EGLN2: variants seen among roughly 807,000 people sequenced by gnomAD.
The protein encoded by EGLN2 is prolyl hydroxylase EGLN2.
Under a neutral mutation model 38.2 loss-of-function variants are expected in EGLN2, and 15 were observed. The observed-to-expected ratio is 0.39, with a 90% CI of 0.26 to 0.60. The LOEUF is 0.60. EGLN2 is among the 20% of genes least tolerant of loss of function. The pLI, the probability that EGLN2 is intolerant of heterozygous loss-of-function variation, is 0.50. For synonymous variants in EGLN2, 284 were observed against 237.4 expected (o/e 1.20, Z -1.81); for missense variants, 492 against 570.4 (o/e 0.86, Z 1.40).
chr19:40,803,672 G>C (rs1161827462), intron 2 of EGLN2, among the ~76,000 whole-genome samples: 2 of 152,160 alleles, frequency 1.3e-5, no homozygotes, highest in Non-Finnish European at 2.9e-5. Context: ...CCCTGGTTGG[G>C]GACAGGTGCT....
intron 2 of EGLN2, among the ~76,000 whole-genome samples, chr19:40,803,429 CAT>C (rs1173086017): frequency 1.3e-5 from 2 of 152,046 alleles, no homozygotes; most frequent in Non-Finnish European, 2.9e-5. Flanking sequence ...GGACTGAGAA[CAT>C]AGGGGAGGAG....
chr19:40,802,283 G>A (rs2083267445), intron 2 of EGLN2, among the ~76,000 whole-genome samples: 1 of 152,122 alleles, frequency 6.6e-6, no homozygotes, highest in African/African-American at 2.4e-5. Flanking sequence ...TCCCCACTGT[G>A]GCATCTGCAT....
In EGLN2 at chr19:40,807,062, G is replaced by T; in HGVS notation, c.964-76G>T. 10 of 1,592,764 alleles carry T rather than the reference G, an allele frequency of 6.3e-6. 1 individual carries two copies. The South Asian group carries it at 8.9e-5, about 14-fold the overall frequency. On this transcript the variant is annotated intron_variant, in intron 3 of 5. Transcript: ENST00000303961. Reference sequence around the variant, plus strand: ...ATGCAGGCAGACGCTGCGCCTCCTAGTGGGCTCCCGGGGCACCGTGGGAGG... The same window carrying T: ...ATGCAGGCAGACGCTGCGCCTCCTATTGGGCTCCCGGGGCACCGTGGGAGG...
Position 40,800,365 on chromosome 19 carries a change from C to T in EGLN2, c.-208C>T, listed in dbSNP as rs1250794677. On this transcript the variant is annotated 5_prime_UTR_variant, in exon 2 of 6. Coordinates refer to ENST00000303961, the MANE Select transcript of EGLN2 (RefSeq NM_080732.4). ...CACCCTGAAGGGTCCCTTCCCAAGC[C>T]CTTAGGGACCGCAGAGGACTTGGGG... 73 of 674,248 alleles carry T rather than the reference C, an allele frequency of 1.1e-4. No homozygotes were observed. In the South Asian group the frequency reaches 1.5e-3, roughly 14 times the overall value. 41.8% of individuals were successfully genotyped at this position (674,248 alleles called of 1,614,324 possible). A position where few individuals can be genotyped will look rare whatever the true frequency, so the allele number is the denominator to read the frequency against.
chr19:40,806,819 C>G, intron 3 of EGLN2, 145 bp downstream of exon 3: 1 of 1,187,252 alleles, frequency 8.4e-7, no homozygotes, highest in Non-Finnish European at 1.2e-6. Context: ...GTGCGATCTG[C>G]CGGCTCTTCC....
At chr19:40,799,442 T>C (rs1395935150) in intron 1 of EGLN2, 180 bp downstream of exon 1, 1 of 77,630 alleles carries the variant, frequency 1.3e-5, no homozygotes, top group Non-Finnish European at 2.6e-5. Context: ...GTGCCGGCCG[T>C]TGTGGGGGTT....
Position 40,801,008 on chromosome 19 carries a change from C to T in EGLN2, c.436C>T (p.Arg146Trp), listed in dbSNP as rs751089985. Residue 146 changes from arginine to tryptophan, a missense_variant, in exon 2 of 6, where the codon CGG (arginine) becomes TGG (tryptophan). Arg to Trp is a moderately radical substitution (Grantham distance 101). Coordinates refer to ENST00000303961, the MANE Select transcript of EGLN2 (RefSeq NM_080732.4). ...CAGGCAAGAGAACCAGGAGGCAGAG[C>T]GGGAGGGTGGCATGAGCTGCAGCTG... is the stretch of plus-strand genomic sequence containing the variant. Reference protein sequence around the residue: ...WARQENQEAEREGGMSCSCSS... With the variant: ...WARQENQEAEWEGGMSCSCSS... 8 of 1,612,996 alleles carry T rather than the reference C, an allele frequency of 5.0e-6. No homozygotes were observed. The highest frequency in any genetic ancestry group is 1.1e-5 in the South Asian group (1 of 91,082).
Position 40,800,661 on chromosome 19 carries a change from G to C in EGLN2, c.89G>C (p.Gly30Ala), listed in dbSNP as rs968520489. Residue 30 changes from glycine (G) to alanine (A), a missense_variant, in exon 2 of 6, where the codon GGC (glycine) becomes GCC (alanine). Gly to Ala is a moderately conservative substitution (Grantham distance 60, BLOSUM62 0). This residue lies in a region of EGLN2 where 378 missense variants were observed against 386.2 expected (regional missense o/e 0.98). Coordinates refer to ENST00000303961, the MANE Select transcript of EGLN2 (RefSeq NM_080732.4). ...TCAGAGCCCTTGGAGCCTGAGCCTGGCCGGGCCAGGATGGGAGTGGAGAGT... is the reference window on the plus strand; with the variant it reads ...TCAGAGCCCTTGGAGCCTGAGCCTGCCCGGGCCAGGATGGGAGTGGAGAGT... Reference protein sequence around the residue: ...SSSEPLEPEPGRARMGVESYL... With the variant: ...SSSEPLEPEPARARMGVESYL... 1 of 1,613,884 alleles carries C rather than the reference G, an allele frequency of 6.2e-7. No individual in the cohort carries two copies. The highest frequency in any genetic ancestry group is 1.3e-5 in the African/African-American group (1 of 74,940).
chr19:40,800,002 T>G (rs1245841879), intron 1 of EGLN2: 1 of 149,856 alleles, frequency 6.7e-6, no homozygotes, highest in Non-Finnish European at 1.5e-5. Flanking sequence ...CCCCCTCCTT[T>G]CCCACTCCTC....
chr19:40,806,534 A>C (rs762819516), intron 2 of EGLN2, 21 bp from the exon 3 acceptor site: 4 of 1,613,320 alleles, frequency 2.5e-6, no homozygotes, highest in Middle Eastern at 1.7e-4. Context: ...CAGTAAACCT[A>C]CCTCCCTCCA....
At chr19:40,806,794 AAC>A in intron 3 of EGLN2, 120 bp downstream of exon 3, 2 of 1,378,716 alleles carry the variant, frequency 1.5e-6, no homozygotes, top group Non-Finnish European at 1.0e-6. Flanking sequence ...TTCTCTTCTC[AAC>A]ACACAGCGGG....
At chr19:40,805,499 T>C (rs2083294765) in intron 2 of EGLN2, 1 of 152,234 alleles carries the variant, frequency 6.6e-6, no homozygotes, top group Non-Finnish European at 1.5e-5. Context: ...ATTGGATCCA[T>C]GGATGAGGAA....
rs2083318803 is a variant in EGLN2 at position 40,808,046 on chromosome 19, C to T, written c.*182C>T. On this transcript the variant is annotated 3_prime_UTR_variant, in exon 6 of 6. Coordinates refer to ENST00000303961, the MANE Select transcript of EGLN2 (RefSeq NM_080732.4). ...GGAGAAGAGACCTTTGCTGCCCCAT[C>T]ATGGGGGCTGGGGTTGTCACCTGGA... The T allele has an allele frequency of 1.5e-6, 1 of 651,538 alleles. No homozygotes were observed. 40.4% of individuals were successfully genotyped at this position (651,538 alleles called of 1,614,324 possible).
rs899151039 is a variant in EGLN2, at chr19:40,801,380, C to T, written c.808C>T (p.Arg270Trp). 16 of 1,608,956 alleles carry T rather than the reference C, an allele frequency of 9.9e-6. No homozygotes were observed. The highest frequency in any genetic ancestry group is 3.3e-5 in the South Asian group (3 of 91,052). Residue 270 changes from arginine to tryptophan, a missense_variant, in exon 2 of 6, where the codon CGG becomes TGG. Arg to Trp is a moderately radical substitution (Grantham distance 101). Around this residue, in one of 2 missense-constraint regions of EGLN2, gnomAD observed 378 missense variants for 386.2 expected, o/e 0.98. Coordinates refer to ENST00000303961, the MANE Select transcript of EGLN2 (RefSeq NM_080732.4). ...VDAVIRHCAG[R>W]LGSYVINGRT... ...CGCCGTCATCCGCCACTGCGCAGGG[C>T]GGCTGGGCAGCTATGTCATCAACGG...
chr19:40,801,366 G>A lies in EGLN2; in HGVS notation c.794G>A (p.Arg265His), dbSNP rs765668251. ...ALMAHVDAVI[R>H]HCAGRLGSYV... Reference sequence around the variant, plus strand: ...ATGGCCCATGTGGACGCCGTCATCCGCCACTGCGCAGGGCGGCTGGGCAGC... The same window carrying A: ...ATGGCCCATGTGGACGCCGTCATCCACCACTGCGCAGGGCGGCTGGGCAGC... Residue 265 changes from arginine to histidine, a missense_variant, in exon 2 of 6, where the codon CGC (arginine) becomes CAC (histidine). Physicochemically the swap from Arg to His is conservative, Grantham distance 29. This residue lies in a region of EGLN2 where 378 missense variants were observed against 386.2 expected (regional missense o/e 0.98). Coordinates refer to ENST00000303961, the MANE Select transcript of EGLN2 (RefSeq NM_080732.4). 59 of 1,610,608 alleles carry A rather than the reference G, an allele frequency of 3.7e-5. No homozygotes were observed. The highest frequency in any genetic ancestry group is 3.0e-5 in the Non-Finnish European group (35 of 1,179,986).
chr19:40,806,803 CG>C, intron 3 of EGLN2, 129 bp downstream of exon 3: 1 of 1,299,356 alleles, frequency 7.7e-7, no homozygotes, highest in Non-Finnish European at 1.1e-6. Flanking sequence ...CAACACACAG[CG>C]GGCAGTGCGA....
At chr19:40,807,444 G>A (rs1430714133) in intron 4 of EGLN2, 40 bp from the exon 5 acceptor site, 12 of 1,612,516 alleles carry the variant, frequency 7.4e-6, no homozygotes, top group Non-Finnish European at 1.0e-5. Flanking sequence ...ATGGTAGCTG[G>A]AATTGCAGAA....
Position 40,800,384 on chromosome 19 carries a change from C to T in EGLN2, c.-189C>T, listed in dbSNP as rs112657550. ...CCAAGCCCTTAGGGACCGCAGAGGA[C>T]TTGGGGACCAGCAAGCAACCCCCAG... On this transcript the variant is annotated 5_prime_UTR_variant, in exon 2 of 6. Coordinates refer to ENST00000303961, the MANE Select transcript of EGLN2 (RefSeq NM_080732.4). The T allele has an allele frequency of 1.6e-3, 1,316 of 843,414 alleles. 15 individuals carry two copies. In the African/African-American group the frequency reaches 0.02, roughly 13 times the overall value. 52.2% of individuals were successfully genotyped at this position (843,414 alleles called of 1,614,324 possible). A position where few individuals can be genotyped will look rare whatever the true frequency, so the allele number is the denominator to read the frequency against.
Position 40,800,322 on chromosome 19 carries a change from T to G in EGLN2, c.-234-17T>G. ...TCTAGTTTCTCTCACATCCCTTTTT[T>G]TTTTTCCTTTCTCTAGCCACCCTGA... is the stretch of plus-strand genomic sequence containing the variant. On this transcript the variant is annotated splice_polypyrimidine_tract_variant and intron_variant, in intron 1 of 5. Coordinates refer to ENST00000303961, the MANE Select transcript of EGLN2 (RefSeq NM_080732.4). 2.1e-6 allele frequency: 1 copy of G among 478,066 alleles called. No individual in the cohort carries two copies. The highest frequency in any genetic ancestry group is 3.8e-5 in the South Asian group (1 of 26,136). The allele number at this position is 478,066 out of a possible 1,614,324, so 29.6% of individuals were successfully genotyped here.
Sources: allele counts gnomAD v4.1 joint callset (sites outside exome capture counted in the v4.1 genomes callset), GRCh38; gene constraint gnomAD v4.1.1; regional missense constraint gnomAD v4.1.1; transcripts MANE v1.5; gene names NCBI Gene and HGNC (gene_info 2026-07-23, HGNC 2026-07-21).